Variants in PEX14 observed in about 807,000 individuals in gnomAD.
PEX14 encodes peroxisomal biogenesis factor 14, also known as peroxisomal membrane protein PEX14.
In PEX14, 15 loss-of-function variants were observed where a neutral mutation model predicts 49.5. The observed-to-expected ratio is 0.30, with a 90% CI of 0.20 to 0.47. PEX14 has a LOEUF of 0.47. Ranked by LOEUF, PEX14 falls within the 20% of genes least tolerant of loss-of-function variation. The pLI, the probability that PEX14 is intolerant of heterozygous loss-of-function variation, is 1.00. For synonymous variants in PEX14, 210 were observed against 212.7 expected, an observed-to-expected ratio of 0.99 and a Z score of 0.11; for missense variants, 398 against 494.8, an observed-to-expected ratio of 0.80 and a Z score of 1.86.
At chr1:10,535,340 G>A (rs534725686) in intron 2 of PEX14, among the ~76,000 whole-genome samples, 8 of 152,346 alleles carry the variant, frequency 5.3e-5, no homozygotes, top group Non-Finnish European at 8.8e-5. Flanking sequence ...CCCGGCTTAT[G>A]TGGAGATAGG....
chr1:10,477,188 A>G (rs1203832064), intron 1 of PEX14, among the ~76,000 whole-genome samples: 1 of 151,596 alleles, frequency 6.6e-6, no homozygotes, highest in Non-Finnish European at 1.5e-5. Context: ...CTCCTGCCTC[A>G]GCCTCCCTAG....
intron 3 of PEX14, among the ~76,000 whole-genome samples, chr1:10,573,008 G>A (rs971569986): frequency 6.6e-6 from 1 of 152,146 alleles, no homozygotes; most frequent in African/African-American, 2.4e-5. Flanking sequence ...GATACTGTAG[G>A]CAATTGTAAC....
At chr1:10,551,070 A>G (rs753803939) in intron 3 of PEX14, among the ~76,000 whole-genome samples, 1 of 152,144 alleles carries the variant, frequency 6.6e-6, no homozygotes, top group African/African-American at 2.4e-5. Flanking sequence ...TCAGGACAAT[A>G]AAGGGTACAT....
chr1:10,509,639 C>A (rs1641849510), intron 2 of PEX14, among the ~76,000 whole-genome samples: 1 of 152,142 alleles, frequency 6.6e-6, no homozygotes, highest in Admixed American at 6.5e-5. Context: ...ACTGGCAGAG[C>A]TAATGCCGGC....
intron 2 of PEX14, among the ~76,000 whole-genome samples, chr1:10,524,012 A>G (rs1352068114): frequency 1.3e-5 from 2 of 152,108 alleles, no homozygotes; most frequent in African/African-American, 2.4e-5. Flanking sequence ...ATGTTTTGGT[A>G]TCATTTTTTT....
At position 10,630,095 on chromosome 1, in the gene PEX14, G is replaced by A; in HGVS notation, c.*108G>A. 6.5e-7 allele frequency: 1 copy of A among 1,540,590 alleles called. No individual in the cohort carries two copies. The highest frequency in any genetic ancestry group is 1.2e-5 in the South Asian group (1 of 85,276). On this transcript the variant is annotated 3_prime_UTR_variant, in exon 9 of 9. Coordinates refer to ENST00000356607, the MANE Select transcript of PEX14 (RefSeq NM_004565.3). The surrounding 1 kb of genome is among the most constrained non-coding windows in gnomAD (Gnocchi z 4.1). ...GGGAGGGCAGCTTGGAGCCCAGGTA[G>A]GGGGCAGAGCTGTCCTCAGCTGCAC...
chr1:10,627,213 G>A (rs557555323), intron 7 of PEX14, 59 bp from the exon 8 acceptor site: 12 of 1,174,404 alleles, frequency 1.0e-5, no homozygotes, highest in African/African-American at 4.5e-5. Flanking sequence ...TCCTGCAGCC[G>A]CAGGCCCCGC....
intron 3 of PEX14, among the ~76,000 whole-genome samples, chr1:10,592,283 C>G (rs893996431): frequency 6.6e-6 from 1 of 152,172 alleles, no homozygotes; most frequent in African/African-American, 2.4e-5. Context: ...ACTTTTCTAC[C>G]TGTTGCCAAA....
chr1:10,545,442 C>T (rs895809504), intron 3 of PEX14, among the ~76,000 whole-genome samples: 4 of 152,188 alleles, frequency 2.6e-5, no homozygotes, highest in African/African-American at 9.7e-5. Flanking sequence ...TTTACATTCT[C>T]ACCAGTCATG....
At chr1:10,524,685 A>T (rs543125926) in intron 2 of PEX14, among the ~76,000 whole-genome samples, 20 of 151,702 alleles carry the variant, frequency 1.3e-4, no homozygotes, top group African/African-American at 4.4e-4. Flanking sequence ...CATTTGATTG[A>T]TTGATTGATT....
Position 10,495,373 on chromosome 1 carries a change from G to T in PEX14, c.84+52G>T, listed in dbSNP as rs573542555. On this transcript the variant is annotated intron_variant, in intron 2 of 8. Coordinates refer to ENST00000356607, the MANE Select transcript of PEX14 (RefSeq NM_004565.3). This position sits in a 1 kb window ranked among gnomAD's most constrained non-coding sequence, Gnocchi z 4.2. The stretch of plus-strand genomic sequence containing the variant: ...CTTTCTAGTAATTAAAATGCCACGC[G>T]AGTGAAAAGAAACCTTCTGTTCCTA... 2 of 1,430,138 alleles carry T rather than the reference G, an allele frequency of 1.4e-6. No homozygotes were observed. Among genetic ancestry groups the T allele is most frequent in the African/African-American group, 1.4e-5 (1 of 71,368 alleles). 88.6% of individuals were successfully genotyped at this position (1,430,138 alleles called of 1,614,324 possible).
In PEX14 at chr1:10,629,113, G is replaced by T. The variant is rs533107549; in HGVS notation, c.678-418G>T. Among the ~76,000 whole-genome samples, 2 of 152,364 alleles carry T rather than the reference G, an allele frequency of 1.3e-5. No homozygotes were observed. The highest frequency in any genetic ancestry group is 2.1e-4 in the South Asian group (1 of 4,832). On this transcript the variant is annotated intron_variant, in intron 8 of 8. Coordinates refer to ENST00000356607, the MANE Select transcript of PEX14 (RefSeq NM_004565.3). This position sits in a 1 kb window ranked among gnomAD's most constrained non-coding sequence, Gnocchi z 8.5. ...TAGACAAATGAGGACTGTGGCTCAG[G>T]TGTCTGGAGTCCCCAGTCATAGCCC...
chr1:10,572,471 A>G (rs967277307), intron 3 of PEX14, among the ~76,000 whole-genome samples: 2 of 152,236 alleles, frequency 1.3e-5, no homozygotes, highest in Non-Finnish European at 2.9e-5. Flanking sequence ...AAAGAAGGCA[A>G]AGGGACAAGC....
intron 3 of PEX14, among the ~76,000 whole-genome samples, chr1:10,572,178 C>T (rs4846235): frequency 0.26 from 39,284 of 151,916 alleles, 5,694 homozygotes; most frequent in Admixed American, 0.34. Flanking sequence ...TGACCTATCT[C>T]CCTGACGTCT....
intron 3 of PEX14, 83 bp from the exon 4 acceptor site, chr1:10,599,155 G>GCC: frequency 7.1e-7 from 1 of 1,408,754 alleles, no homozygotes; most frequent in Non-Finnish European, 1.0e-6. Context: ...TGGCTGTAAA[G>GCC]GTCTTTGCTC....
intron 2 of PEX14, among the ~76,000 whole-genome samples, chr1:10,504,230 T>C (rs1325027120): frequency 6.6e-6 from 1 of 152,174 alleles, no homozygotes; most frequent in Non-Finnish European, 1.5e-5. Flanking sequence ...TCCTTTCTTT[T>C]ATGGTTTGTA....
chr1:10,625,724 G>T (rs2124643295), intron 7 of PEX14, among the ~76,000 whole-genome samples: 1 of 152,316 alleles, frequency 6.6e-6, no homozygotes, highest in South Asian at 2.1e-4. Flanking sequence ...TTGGATCCAT[G>T]CTCTGCCTGT....
intron 1 of PEX14, among the ~76,000 whole-genome samples, chr1:10,482,588 C>T (rs1641301146): frequency 6.6e-6 from 1 of 152,124 alleles, no homozygotes; most frequent in Non-Finnish European, 1.5e-5. Flanking sequence ...CATGTGCCAC[C>T]ATGCCCGGCT....
chr1:10,493,688 A>G (rs1641509068), intron 1 of PEX14, among the ~76,000 whole-genome samples: 1 of 152,196 alleles, frequency 6.6e-6, no homozygotes, highest in African/African-American at 2.4e-5. Flanking sequence ...TGGGCCTCCC[A>G]AAGTGCTGGC....
Sources: allele counts gnomAD v4.1 joint callset (sites outside exome capture counted in the v4.1 genomes callset), GRCh38; gene constraint gnomAD v4.1.1; non-coding constraint Gnocchi (gnomAD v3.1); transcripts MANE v1.5; gene names NCBI Gene and HGNC (gene_info 2026-07-23, HGNC 2026-07-21).